Variants in CAB39 observed in about 807,000 individuals in gnomAD.
CAB39 encodes the protein calcium binding protein 39, also known as calcium-binding protein 39.
Under a neutral mutation model 40.0 loss-of-function variants are expected in CAB39, and 8 were observed. The observed-to-expected ratio is 0.20, with a 90% CI of 0.12 to 0.36. CAB39 has a LOEUF of 0.36. CAB39 is among the 10% of genes least tolerant of loss of function. The probability of loss-of-function intolerance (pLI) is 1.00; values close to 1 mark genes in which losing one functional copy is unlikely to be tolerated. For missense variants in CAB39, 270 were observed against 401.1 expected (o/e 0.67, Z 2.79); for synonymous variants, 156 against 141.6 (o/e 1.10, Z -0.72).
At chr2:230,770,196 A>G (rs1366372030) in intron 2 of CAB39, among the ~76,000 whole-genome samples, 1 of 152,210 alleles carries the variant, frequency 6.6e-6, no homozygotes, top group African/African-American at 2.4e-5. Context: ...TAGAAAAAAA[A>G]AATTAAAAGA....
chr2:230,717,539 C>G (rs1310068622), intron 1 of CAB39, among the ~76,000 whole-genome samples: 1 of 152,148 alleles, frequency 6.6e-6, no homozygotes, highest in Non-Finnish European at 1.5e-5. Context: ...GGGGGCAGAG[C>G]AAAGTGAAGC....
intron 5 of CAB39, among the ~76,000 whole-genome samples, chr2:230,804,549 G>GA (rs1428264670): frequency 2.0e-5 from 3 of 152,038 alleles, no homozygotes; most frequent in Non-Finnish European, 4.4e-5. Context: ...AAATTTACAA[G>GA]AAAAAAATCA....
intron 2 of CAB39, among the ~76,000 whole-genome samples, chr2:230,789,799 A>G (rs148259328): frequency 1.7e-3 from 258 of 152,236 alleles, no homozygotes; most frequent in African/African-American, 5.7e-3. Context: ...CTCTTCAACT[A>G]ATGGAGAACA....
chr2:230,719,290 C>T (rs1694405263), intron 1 of CAB39, among the ~76,000 whole-genome samples: 1 of 152,166 alleles, frequency 6.6e-6, no homozygotes, highest in African/African-American at 2.4e-5. Context: ...ATAACACAAA[C>T]ATTGCACAGT....
intron 1 of CAB39, chr2:230,725,003 A>G (rs1694535284): frequency 9.6e-7 from 1 of 1,045,410 alleles, no homozygotes; most frequent in Non-Finnish European, 1.4e-6. Context: ...TTAGGGGAGA[A>G]AACTCCCAAA....
intron 1 of CAB39, among the ~76,000 whole-genome samples, chr2:230,724,716 A>C (rs983964918): frequency 2.6e-5 from 4 of 151,410 alleles, no homozygotes; most frequent in East Asian, 1.9e-4. Context: ...AAAAAAAAAA[A>C]AAAAAACCTC....
chr2:230,729,175 C>T (rs571734135), intron 1 of CAB39, among the ~76,000 whole-genome samples: 1 of 152,324 alleles, frequency 6.6e-6, no homozygotes, highest in East Asian at 1.9e-4. Flanking sequence ...GTTTTGAACC[C>T]TTGGGCGGTT....
At chr2:230,741,313 A>G (rs1003773477) in intron 1 of CAB39, among the ~76,000 whole-genome samples, 1 of 152,216 alleles carries the variant, frequency 6.6e-6, no homozygotes, top group Non-Finnish European at 1.5e-5. Context: ...CTCTTTCTTC[A>G]TGACATCTCT....
At chr2:230,725,508 A>G (rs1033329078) in intron 1 of CAB39, 1 of 1,024,324 alleles carries the variant, frequency 9.8e-7, no homozygotes, top group African/African-American at 1.6e-5. Context: ...GCCCTTTTTA[A>G]TATCAAATTT....
chr2:230,729,383 G>A (rs971293253), intron 1 of CAB39, among the ~76,000 whole-genome samples: 1 of 152,216 alleles, frequency 6.6e-6, no homozygotes, highest in Non-Finnish European at 1.5e-5. Flanking sequence ...GAAACTGGTG[G>A]AATATAGCAG....
chr2:230,742,914 G>A (rs1694908406), intron 1 of CAB39, among the ~76,000 whole-genome samples: 1 of 151,890 alleles, frequency 6.6e-6, no homozygotes, highest in African/African-American at 2.4e-5. Flanking sequence ...TTTTTGGTAT[G>A]AGTTAAGAAT....
chr2:230,781,939 A>G (rs955284217), intron 2 of CAB39, among the ~76,000 whole-genome samples: 2 of 152,098 alleles, frequency 1.3e-5, no homozygotes, highest in African/African-American at 2.4e-5. Flanking sequence ...ATCTCGGCTC[A>G]CTGCAACCTC....
At chr2:230,784,451 G>A (rs1695752541) in intron 2 of CAB39, among the ~76,000 whole-genome samples, 1 of 152,168 alleles carries the variant, frequency 6.6e-6, no homozygotes, top group South Asian at 2.1e-4. Flanking sequence ...AAAGCAGTGG[G>A]TGTGGATGAG....
At chr2:230,767,937 C>T (rs372012395) in intron 2 of CAB39, among the ~76,000 whole-genome samples, 1 of 152,162 alleles carries the variant, frequency 6.6e-6, no homozygotes. Context: ...ACCCAATCCT[C>T]TATTTAAAAT....
chr2:230,780,250 A>T (rs1191927547), intron 2 of CAB39, among the ~76,000 whole-genome samples: 2 of 152,252 alleles, frequency 1.3e-5, no homozygotes, highest in Non-Finnish European at 2.9e-5. Context: ...TGATGAACTT[A>T]TCAGACTTAC....
chr2:230,818,082 T>C lies in CAB39; in HGVS notation c.837+185T>C, dbSNP rs75431583. ...GTAGACCTGGAAACGGGTTACTGTT[T>C]GGATCTGGGAACGAGAAGGTTTGTT... On this transcript the variant is annotated intron_variant, in intron 8 of 8. Coordinates refer to ENST00000258418, the MANE Select transcript of CAB39 (RefSeq NM_016289.4). 3.7e-3 allele frequency: 2,132 copies of C among 582,068 alleles called. 15 individuals carry two copies. Among genetic ancestry groups the C allele is most frequent in the Middle Eastern group, 0.017 (40 of 2,312 alleles). The allele number at this position is 582,068 out of a possible 1,614,324, so 36.1% of individuals were successfully genotyped here.
At chr2:230,729,677 C>T (rs959372353) in intron 1 of CAB39, among the ~76,000 whole-genome samples, 4 of 151,650 alleles carry the variant, frequency 2.6e-5, no homozygotes, top group East Asian at 3.9e-4. Context: ...AGCTTGAACC[C>T]GGGAGGTGGA....
intron 6 of CAB39, among the ~76,000 whole-genome samples, chr2:230,811,029 A>T (rs1696294736): frequency 6.6e-6 from 1 of 152,148 alleles, no homozygotes; most frequent in Non-Finnish European, 1.5e-5. Flanking sequence ...CCTCAGGAGG[A>T]TCTTCCACAA....
chr2:230,801,777 A>G (rs1479336111), intron 5 of CAB39, among the ~76,000 whole-genome samples: 1 of 151,932 alleles, frequency 6.6e-6, no homozygotes, highest in Non-Finnish European at 1.5e-5. Context: ...GCTGAGGCAT[A>G]AGAATCCCTT....
Sources: gnomAD v4.1 joint callset for allele counts (sites outside exome capture counted in the v4.1 genomes callset) on GRCh38, gnomAD v4.1.1 for gene constraint, MANE v1.5 for transcripts, NCBI Gene and HGNC (gene_info 2026-07-23, HGNC 2026-07-21) for gene names.